The following KIAA0232 variants were observed in gnomAD, a reference collection of about 807,000 sequenced individuals.
KIAA0232 encodes the protein uncharacterized protein KIAA0232.
Under a neutral mutation model 122.0 loss-of-function variants are expected in KIAA0232, and 27 were observed. That is an observed-to-expected ratio of 0.22 (90% CI 0.16 to 0.31). The LOEUF (loss-of-function observed/expected upper bound fraction) is 0.31. Ranked by LOEUF, KIAA0232 falls within the 10% of genes least tolerant of loss-of-function variation. The pLI is 1.00. For synonymous variants in KIAA0232, 613 were observed against 587.6 expected (o/e 1.04, Z -0.63); for missense variants, 1,551 against 1,634.2 (o/e 0.95, Z 0.88).
chr4:6,792,108 C>A (rs1000839699), intron 1 of KIAA0232, among the ~76,000 whole-genome samples: 2 of 152,160 alleles, frequency 1.3e-5, no homozygotes, highest in African/African-American at 4.8e-5. Flanking sequence ...GTCAATGAAA[C>A]CTCTTTCCTT....
chr4:6,793,250 C>T (rs1433503838), intron 1 of KIAA0232, among the ~76,000 whole-genome samples: 1 of 152,080 alleles, frequency 6.6e-6, no homozygotes, highest in South Asian at 2.1e-4. Flanking sequence ...AACAACATTG[C>T]ATATTATGCT....
intron 2 of KIAA0232, among the ~76,000 whole-genome samples, chr4:6,815,605 C>T (rs1225098387): frequency 6.6e-6 from 1 of 152,144 alleles, no homozygotes; most frequent in Non-Finnish European, 1.5e-5. Context: ...TCTAAAAACC[C>T]CAGTTATTAC....
chr4:6,834,888 A>G (rs1481697027), intron 3 of KIAA0232, among the ~76,000 whole-genome samples: 1 of 152,172 alleles, frequency 6.6e-6, no homozygotes, highest in African/African-American at 2.4e-5. Context: ...GCACAAAAGA[A>G]ATACTTTTAT....
chr4:6,807,281 T>C (rs1458359479), intron 2 of KIAA0232, among the ~76,000 whole-genome samples: 1 of 152,260 alleles, frequency 6.6e-6, no homozygotes, highest in Non-Finnish European at 1.5e-5. Context: ...AAATATTTGC[T>C]ACTTCTCTTG....
intron 1 of KIAA0232, among the ~76,000 whole-genome samples, chr4:6,802,598 G>A (rs921998634): frequency 2.0e-5 from 3 of 148,104 alleles, no homozygotes; most frequent in South Asian, 2.1e-4. Flanking sequence ...TCTTATGTAC[G>A]AACAGAGTTA....
At chr4:6,786,600 A>T (rs1004814666) in intron 1 of KIAA0232, among the ~76,000 whole-genome samples, 28 of 152,234 alleles carry the variant, frequency 1.8e-4, no homozygotes, top group Admixed American at 7.9e-4. Context: ...GAGCCACCGC[A>T]CAAGACCCAG....
intron 4 of KIAA0232, among the ~76,000 whole-genome samples, chr4:6,842,904 T>A (rs1427678616): frequency 6.6e-6 from 1 of 152,158 alleles, no homozygotes; most frequent in Non-Finnish European, 1.5e-5. Flanking sequence ...TTGATTTTTC[T>A]GTTATGCAGT....
rs531319849 is a variant in KIAA0232, at chr4:6,796,890, T to TG, written c.-353-7631dup. Among the ~76,000 whole-genome samples the TG allele has an allele frequency of 4.1e-4, 62 of 152,334 alleles. 1 individual carries two copies. In the South Asian group the frequency reaches 0.011, roughly 26 times the overall value. On this transcript the variant is annotated intron_variant, in intron 1 of 9. Coordinates refer to ENST00000307659, the MANE Select transcript of KIAA0232 (RefSeq NM_014743.3). Reference sequence around the variant, plus strand: ...ATTCTTGGTTTTCTGGTTTATATGTTGGTCACTTGGTTATGTTAGTCAGCA... The same window carrying TG: ...ATTCTTGGTTTTCTGGTTTATATGTTGGGTCACTTGGTTATGTTAGTCAGCA...
chr4:6,826,593 C>T (rs1423329953), intron 3 of KIAA0232, among the ~76,000 whole-genome samples: 2 of 151,434 alleles, frequency 1.3e-5, no homozygotes, highest in South Asian at 2.1e-4. Context: ...CAGTCTTAAC[C>T]TCCTGGGCTC....
intron 1 of KIAA0232, among the ~76,000 whole-genome samples, chr4:6,783,363 C>T (rs1016987245): frequency 1.3e-5 from 2 of 152,214 alleles, no homozygotes; most frequent in Admixed American, 6.5e-5. Flanking sequence ...CGTTGGCTGC[C>T]TCCTGCCTGG....
chr4:6,802,358 C>T (rs927402206), intron 1 of KIAA0232, among the ~76,000 whole-genome samples: 3 of 152,192 alleles, frequency 2.0e-5, no homozygotes, highest in African/African-American at 7.2e-5. Flanking sequence ...GCTGACGGAG[C>T]ACTCCCAGCA....
chr4:6,860,051 A>G (rs574456067), intron 6 of KIAA0232, among the ~76,000 whole-genome samples: 12 of 152,246 alleles, frequency 7.9e-5, no homozygotes, highest in Admixed American at 6.5e-4. Flanking sequence ...TAAATCTGGA[A>G]TTTCAAGGCT....
intron 4 of KIAA0232, among the ~76,000 whole-genome samples, chr4:6,842,911 C>A (rs1719742708): frequency 6.6e-6 from 1 of 152,018 alleles, no homozygotes. Context: ...TTCTGTTATG[C>A]AGTCTAGAAT....
rs929440919 is a variant in KIAA0232 at position 6,884,135 on chromosome 4, T to G, written c.*3169T>G. Reference sequence around the variant, plus strand: ...TTTAAAAGTTCATGGAAAATGGAATTAAAAGAAAAATAAAAAAATATAAAC... The same window carrying G: ...TTTAAAAGTTCATGGAAAATGGAATGAAAAGAAAAATAAAAAAATATAAAC... On this transcript the variant is annotated 3_prime_UTR_variant, in exon 10 of 10. Coordinates refer to ENST00000307659, the MANE Select transcript of KIAA0232 (RefSeq NM_014743.3). 26 of 152,216 alleles carry G rather than the reference T, an allele frequency of 1.7e-4. No homozygotes were observed. The highest frequency in any genetic ancestry group is 6.0e-4 in the African/African-American group (25 of 41,530). The allele number at this position is 152,216 out of a possible 1,614,324, so 9.4% of individuals were successfully genotyped here.
At chr4:6,837,904 C>CA (rs1467674540) in intron 3 of KIAA0232, among the ~76,000 whole-genome samples, 3 of 149,126 alleles carry the variant, frequency 2.0e-5, no homozygotes, top group African/African-American at 7.5e-5. Flanking sequence ...GGAGACCGTG[C>CA]AAAGGGGAGA....
chr4:6,868,096 A>C (rs1399519300), intron 7 of KIAA0232, among the ~76,000 whole-genome samples: 1 of 152,224 alleles, frequency 6.6e-6, no homozygotes, highest in Admixed American at 6.5e-5. Context: ...ACTAAAACCA[A>C]GCACCTTTCT....
intron 2 of KIAA0232, among the ~76,000 whole-genome samples, chr4:6,806,694 A>G (rs1304175869): frequency 7.5e-6 from 1 of 132,710 alleles, no homozygotes; most frequent in Non-Finnish European, 1.5e-5. Flanking sequence ...AGATCATGCC[A>G]CTGCACTCCA....
rs369781603 is a variant in KIAA0232, at chr4:6,860,946, G to A, written c.564G>A (p.Leu188=). 3.7e-6 allele frequency: 6 copies of A among 1,613,840 alleles called. No homozygotes were observed. The African/African-American group carries it at 4.0e-5, about 11-fold the overall frequency. ...CACTTTCTGAGAAACCAGTTTGCCT[G>A]CAAGAAATCATGACTGTGTGGAACA... ...FPPLSEKPVC[L]QEIMTVWNKS... Residue 188 remains leucine, a synonymous_variant, in exon 7 of 10, where the codon CTG becomes CTA. Coordinates refer to ENST00000307659, the MANE Select transcript of KIAA0232 (RefSeq NM_014743.3).
intron 7 of KIAA0232, among the ~76,000 whole-genome samples, chr4:6,871,149 T>C (rs1401913339): frequency 6.6e-6 from 1 of 152,214 alleles, no homozygotes; most frequent in African/African-American, 2.4e-5. Flanking sequence ...AACTCACCAG[T>C]TGGCTGGGCA....
Sources: allele counts gnomAD v4.1 joint callset (sites outside exome capture counted in the v4.1 genomes callset), GRCh38; gene constraint gnomAD v4.1.1; transcripts MANE v1.5; gene names NCBI Gene and HGNC (gene_info 2026-07-23, HGNC 2026-07-21).